THSD7A: variants seen among roughly 807,000 people sequenced by gnomAD.
THSD7A encodes the protein thrombospondin type 1 domain containing 7A.
THSD7A carries 96 observed loss-of-function variants against 231.3 expected under a neutral mutation model. The ratio of observed to expected loss-of-function variants is 0.41; its 90% CI spans 0.35 to 0.49. The LOEUF is 0.49. Among genes scored for constraint, THSD7A ranks in the 20% least tolerant of loss-of-function variants. THSD7A has a pLI of 0.05. For synonymous variants in THSD7A, 940 were observed against 743.3 expected (o/e 1.26, Z -4.30); for missense variants, 2,290 against 2,070.2 (o/e 1.11, Z -2.06).
intron 1 of THSD7A, among the ~76,000 whole-genome samples, chr7:11,640,561 T>C (rs1782041578): frequency 6.6e-6 from 1 of 152,160 alleles, no homozygotes; most frequent in Non-Finnish European, 1.5e-5. Flanking sequence ...TAATATTACA[T>C]ATATTTTGGA....
At chr7:11,572,963 T>G (rs928159350) in intron 4 of THSD7A, among the ~76,000 whole-genome samples, 5 of 152,154 alleles carry the variant, frequency 3.3e-5, no homozygotes, top group African/African-American at 1.2e-4. Flanking sequence ...TCATCTTCCT[T>G]TATAAGGTGT....
intron 9 of THSD7A, 41 bp downstream of exon 9, chr7:11,469,838 G>C: frequency 7.0e-7 from 1 of 1,423,658 alleles, no homozygotes; most frequent in Non-Finnish European, 9.7e-7. Flanking sequence ...TACCGAGGAG[G>C]TTTTCTAGGT....
At chr7:11,776,800 A>G (rs1783421686) in intron 1 of THSD7A, among the ~76,000 whole-genome samples, 1 of 152,182 alleles carries the variant, frequency 6.6e-6, no homozygotes, top group Non-Finnish European at 1.5e-5. Flanking sequence ...CTAACATTGA[A>G]GAGTTTGAAG....
chr7:11,744,606 C>A (rs1260578181), intron 1 of THSD7A, among the ~76,000 whole-genome samples: 3 of 125,714 alleles, frequency 2.4e-5, no homozygotes, highest in Admixed American at 8.8e-5. Context: ...CCCCACCCCA[C>A]AACAGGCCCC....
chr7:11,423,502 G>A (rs1287288119), intron 16 of THSD7A, among the ~76,000 whole-genome samples: 2 of 151,784 alleles, frequency 1.3e-5, no homozygotes, highest in South Asian at 2.1e-4. Context: ...CCGAGTAGCT[G>A]GGACTACAGG....
chr7:11,431,691 T>C (rs1485757887), intron 13 of THSD7A, among the ~76,000 whole-genome samples: 1 of 152,140 alleles, frequency 6.6e-6, no homozygotes, highest in Non-Finnish European at 1.5e-5. Context: ...AACTTCTATA[T>C]GCATTTTAGA....
chr7:11,678,767 GT>G (rs775313840), intron 1 of THSD7A, among the ~76,000 whole-genome samples: 1 of 152,074 alleles, frequency 6.6e-6, no homozygotes, highest in Non-Finnish European at 1.5e-5. Flanking sequence ...TCTACCAGAG[GT>G]ACAAAGAGGA....
chr7:11,784,902 A>T (rs923796506), intron 1 of THSD7A, among the ~76,000 whole-genome samples: 21 of 152,286 alleles, frequency 1.4e-4, no homozygotes, highest in African/African-American at 4.8e-4. Flanking sequence ...GGGATCTACC[A>T]GTGTGGGACA....
intron 12 of THSD7A, 143 bp downstream of exon 12, chr7:11,447,087 C>G: frequency 1.3e-6 from 1 of 792,362 alleles, no homozygotes; most frequent in South Asian, 1.9e-5. Flanking sequence ...ATGCTTTTAT[C>G]ACTGCCAGCT....
At chr7:11,731,898 T>TCTGTA (rs1253187348) in intron 1 of THSD7A, among the ~76,000 whole-genome samples, 1 of 151,676 alleles carries the variant, frequency 6.6e-6, no homozygotes, top group Non-Finnish European at 1.5e-5. Flanking sequence ...TTTTAATTGT[T>TCTGTA]ATCAAAATTA....
At chr7:11,570,079 G>A (rs748273496) in intron 4 of THSD7A, among the ~76,000 whole-genome samples, 3 of 152,118 alleles carry the variant, frequency 2.0e-5, no homozygotes, top group Admixed American at 6.5e-5. Context: ...GACTGAGTTG[G>A]GAGGATTGCT....
chr7:11,630,564 T>C (rs1781616480), intron 2 of THSD7A, among the ~76,000 whole-genome samples: 1 of 152,206 alleles, frequency 6.6e-6, no homozygotes, highest in South Asian at 2.1e-4. Context: ...AGAAGCTGGA[T>C]AGTTCTACTT....
At chr7:11,423,157 G>A (rs1376609851) in intron 16 of THSD7A, among the ~76,000 whole-genome samples, 2 of 152,042 alleles carry the variant, frequency 1.3e-5, no homozygotes, top group East Asian at 3.9e-4. Context: ...CAAATTGAGA[G>A]TTCAGATGGG....
intron 4 of THSD7A, among the ~76,000 whole-genome samples, chr7:11,567,278 G>GCAGAAAAGACAAGTGCAGAGTA (rs1790389895): frequency 6.6e-6 from 1 of 152,092 alleles, no homozygotes; most frequent in South Asian, 2.1e-4. Context: ...CCTCAAGGCA[G>GCAGAAAAGACAAGTGCAGAGTA]CAGAAAAGAC....
At chr7:11,415,928 T>C (rs1247672963) in intron 17 of THSD7A, among the ~76,000 whole-genome samples, 1 of 152,194 alleles carries the variant, frequency 6.6e-6, no homozygotes, top group Non-Finnish European at 1.5e-5. Context: ...TATCTTCTCC[T>C]GCCCAAAAAT....
chr7:11,532,258 C>A (rs1267970044), intron 6 of THSD7A, among the ~76,000 whole-genome samples: 2 of 152,102 alleles, frequency 1.3e-5, no homozygotes, highest in African/African-American at 4.8e-5. Context: ...AAAGCCAACA[C>A]AGAAACTACC....
At chr7:11,545,799 C>T (rs182939156) in intron 4 of THSD7A, among the ~76,000 whole-genome samples, 8 of 152,266 alleles carry the variant, frequency 5.3e-5, no homozygotes, top group African/African-American at 7.2e-5. Flanking sequence ...GAATCCAGAG[C>T]GTTTGGCACA....
intron 2 of THSD7A, among the ~76,000 whole-genome samples, chr7:11,596,117 G>T (rs1178560489): frequency 1.3e-5 from 2 of 152,296 alleles, no homozygotes; most frequent in East Asian, 3.9e-4. Context: ...AGAACCTCTT[G>T]AATGAAAGGG....
intron 6 of THSD7A, among the ~76,000 whole-genome samples, chr7:11,511,380 T>G (rs1304256994): frequency 6.6e-6 from 1 of 152,182 alleles, no homozygotes; most frequent in African/African-American, 2.4e-5. Flanking sequence ...ATAGATTCAA[T>G]GCCATCCCCA....
Sources: gnomAD v4.1 joint callset for allele counts (sites outside exome capture counted in the v4.1 genomes callset) on GRCh38, gnomAD v4.1.1 for gene constraint, MANE v1.5 for transcripts, NCBI Gene and HGNC (gene_info 2026-07-23, HGNC 2026-07-21) for gene names.